The following TAB2 variants were observed in gnomAD, a reference collection of about 807,000 sequenced individuals.
TAB2 encodes TGF-beta activated kinase 1 (MAP3K7) binding protein 2.
Under a neutral mutation model 65.0 loss-of-function variants are expected in TAB2, and 3 were observed. That is an observed-to-expected ratio of 0.05 (90% CI 0.02 to 0.12). TAB2 has a LOEUF of 0.12. Among genes scored for constraint, TAB2 ranks in the 10% least tolerant of loss-of-function variants. The pLI, the probability that TAB2 is intolerant of heterozygous loss-of-function variation, is 1.00. For synonymous variants in TAB2, 298 were observed against 285.1 expected (o/e 1.05, Z -0.46); for missense variants, 623 against 840.3 (o/e 0.74, Z 3.20).
chr6:149,298,433 C>A (rs966065001), intron 1 of TAB2, among the ~76,000 whole-genome samples: 2 of 152,168 alleles, frequency 1.3e-5, no homozygotes, highest in Non-Finnish European at 2.9e-5. Flanking sequence ...TTGAGACCAG[C>A]CTGGCCAATA....
At chr6:149,319,026 C>T (rs1779351505) in intron 1 of TAB2, among the ~76,000 whole-genome samples, 1 of 152,150 alleles carries the variant, frequency 6.6e-6, no homozygotes, top group African/African-American at 2.4e-5. Flanking sequence ...AGTTCTTGAA[C>T]GCTAAGATCG....
chr6:149,382,206 T>C (rs1018467242), intron 3 of TAB2, among the ~76,000 whole-genome samples: 8 of 152,324 alleles, frequency 5.3e-5, no homozygotes, highest in South Asian at 2.1e-4. Context: ...AGGCAAACTT[T>C]AGGGCCCTTT....
intron 3 of TAB2, among the ~76,000 whole-genome samples, chr6:149,383,233 T>C (rs1338138162): frequency 6.6e-6 from 1 of 152,082 alleles, no homozygotes; most frequent in Non-Finnish European, 1.5e-5. Context: ...TAGAGAGCAC[T>C]TTCAGAGGAC....
At chr6:149,225,417 C>G (rs148882040) in intron 1 of TAB2, among the ~76,000 whole-genome samples, 122 of 152,220 alleles carry the variant, frequency 8.0e-4, no homozygotes, top group Non-Finnish European at 1.6e-3. Context: ...AAGTGAAATT[C>G]TATGTCTAAG....
intron 1 of TAB2, among the ~76,000 whole-genome samples, chr6:149,275,296 GAAA>G (rs1562397064): frequency 7.5e-6 from 1 of 132,562 alleles, no homozygotes; most frequent in East Asian, 2.2e-4. Context: ...AAGAAAGAAA[GAAA>G]GAGAAAAAAG....
intron 1 of TAB2, among the ~76,000 whole-genome samples, chr6:149,294,571 T>C (rs1029466903): frequency 5.3e-5 from 8 of 152,250 alleles, no homozygotes; most frequent in Non-Finnish European, 1.2e-4. Context: ...GCTCTTTTCA[T>C]AAGCAAAGTA....
upstream of TAB2, among the ~76,000 whole-genome samples, chr6:149,313,935 A>G (rs1376703368): frequency 6.6e-6 from 1 of 152,172 alleles, no homozygotes; most frequent in African/African-American, 2.4e-5. Context: ...GCTTGGAATG[A>G]CCACTACCAT....
chr6:149,400,394 G>A, intron 6 of TAB2: 4 of 1,613,946 alleles, frequency 2.5e-6, no homozygotes, highest in South Asian at 1.1e-5. Flanking sequence ...TGTTCACCAT[G>A]GCCAACGAAA....
intron 1 of TAB2, among the ~76,000 whole-genome samples, chr6:149,367,576 G>A (rs755601874): frequency 6.6e-6 from 1 of 152,106 alleles, no homozygotes; most frequent in Non-Finnish European, 1.5e-5. Flanking sequence ...CAAAGATCAC[G>A]CCGCTCAGTA....
chr6:149,345,247 A>C (rs1418588104), intron 1 of TAB2, among the ~76,000 whole-genome samples: 1 of 152,192 alleles, frequency 6.6e-6, no homozygotes, highest in Non-Finnish European at 1.5e-5. Flanking sequence ...CTAAGCTTAG[A>C]CATGGTTAAT....
At chr6:149,321,321 A>G (rs1323972390) in intron 1 of TAB2, 12 of 152,134 alleles carry the variant, frequency 7.9e-5, no homozygotes, top group Non-Finnish European at 5.9e-5. Context: ...GTATTTTAAC[A>G]TTTTGTTTCT....
intron 1 of TAB2, among the ~76,000 whole-genome samples, chr6:149,292,774 C>T (rs1267703235): frequency 6.6e-6 from 1 of 152,178 alleles, no homozygotes; most frequent in East Asian, 1.9e-4. Context: ...AGTTAAGCAA[C>T]AATGAGCTTT....
At chr6:149,364,822 A>G (rs564299216) in intron 1 of TAB2, among the ~76,000 whole-genome samples, 1 of 151,336 alleles carries the variant, frequency 6.6e-6, no homozygotes, top group African/African-American at 2.4e-5. Flanking sequence ...TAGCTTTTGT[A>G]TACTCTTATA....
chr6:149,378,768 A>T lies in TAB2; in HGVS notation c.853A>T (p.Met285Leu). 6.2e-7 allele frequency: 1 copy of T among 1,614,072 alleles called. No individual in the cohort carries two copies. Residue 285 changes from methionine to leucine, a missense_variant, in exon 3 of 7, where the codon ATG (methionine) becomes TTG (leucine). Physicochemically the swap from Met to Leu is conservative, Grantham distance 15. Coordinates refer to ENST00000637181, the MANE Select transcript of TAB2 (RefSeq NM_001292034.3). ...QQGHQTSHVY[M>L]PISSPTTSQP... The stretch of plus-strand genomic sequence containing the variant: ...AGGCCACCAGACCTCTCATGTCTAC[A>T]TGCCAATCAGTTCACCTACTACTTC...
Position 149,370,114 on chromosome 6 carries a change from A to T in TAB2, c.102+15A>T. On this transcript the variant is annotated intron_variant, in intron 2 of 6. Coordinates refer to ENST00000637181, the MANE Select transcript of TAB2 (RefSeq NM_001292034.3). Reference sequence around the variant, plus strand: ...GCATGTTACAGGTCAGTGTTCAATGATTTCTGAATTTGTTAATACAAACCT... The same window carrying T: ...GCATGTTACAGGTCAGTGTTCAATGTTTTCTGAATTTGTTAATACAAACCT... 6.2e-7 allele frequency: 1 copy of T among 1,604,644 alleles called. No individual in the cohort carries two copies. The highest frequency in any genetic ancestry group is 8.5e-7 in the Non-Finnish European group (1 of 1,171,542).
chr6:149,262,675 G>A (rs1393763459), intron 1 of TAB2, among the ~76,000 whole-genome samples: 1 of 152,194 alleles, frequency 6.6e-6, no homozygotes, highest in Non-Finnish European at 1.5e-5. Flanking sequence ...ACTTCAAGAA[G>A]CAGCAAATCC....
Position 149,378,135 on chromosome 6 carries a change from C to T in TAB2, c.220C>T (p.His74Tyr). Residue 74 changes from histidine to tyrosine, a missense_variant, in exon 3 of 7, where the codon CAC (histidine) becomes TAC (tyrosine). Physicochemically the swap from His to Tyr is moderately conservative, Grantham distance 83. Around this residue, in one of 3 missense-constraint regions of TAB2, gnomAD observed 550 missense variants for 665.7 expected, o/e 0.83. Transcript: ENST00000637181. ...DDSGISGLRN[H>Y]MTSLNLDLQS... ...TTCTGGAATTTCTGGTCTACGCAAT[C>T]ACATGACTTCTCTCAACTTGGACTT... 1 of 1,614,172 alleles carries T rather than the reference C, an allele frequency of 6.2e-7. No homozygotes were observed. The highest frequency in any genetic ancestry group is 1.1e-5 in the South Asian group (1 of 91,078).
chr6:149,403,085 T>G (rs907637525), intron 6 of TAB2, among the ~76,000 whole-genome samples: 2 of 151,256 alleles, frequency 1.3e-5, no homozygotes, highest in Admixed American at 6.6e-5. Context: ...AAATACAAAA[T>G]TAGCCTGGCT....
At chr6:149,318,617 T>G (rs1779337847) in intron 1 of TAB2, 1 of 152,190 alleles carries the variant, frequency 6.6e-6, no homozygotes, top group African/African-American at 2.4e-5. Context: ...TTTCACTGGA[T>G]GTTTCTGGTT....
Sources: gnomAD v4.1 joint callset for allele counts (sites outside exome capture counted in the v4.1 genomes callset) on GRCh38, gnomAD v4.1.1 for gene constraint, gnomAD v4.1.1 regional missense constraint, MANE v1.5 for transcripts, NCBI Gene and HGNC (gene_info 2026-07-23, HGNC 2026-07-21) for gene names.